The following CDKL3 variants were observed in gnomAD, a reference collection of about 807,000 sequenced individuals.
The protein encoded by CDKL3 is cyclin dependent kinase like 3.
A neutral mutation model predicts 69.3 loss-of-function variants in CDKL3; 65 were observed. The observed-to-expected ratio is 0.94, with a 90% CI of 0.77 to 1.15. The LOEUF is 1.15. CDKL3 is among the 50% of genes most tolerant of loss of function. CDKL3 has a pLI of 0.00. For synonymous variants in CDKL3, 202 were observed against 221.6 expected (o/e 0.91, Z 0.79); for missense variants, 652 against 689.2 (o/e 0.95, Z 0.61).
chr5:134,324,203 T>G (rs1174924094), intron 4 of CDKL3, among the ~76,000 whole-genome samples: 1 of 152,148 alleles, frequency 6.6e-6, no homozygotes, highest in Non-Finnish European at 1.5e-5. Flanking sequence ...CAAATGCAGG[T>G]GAGGATGGCA....
Position 134,366,408 on chromosome 5 carries a change from G to C in CDKL3, c.116C>G (p.Pro39Arg). ...IVAIKIFYER[P>R]EQSVNKIAMR... ...CGCAATTTTGTTGACAGATTGTTCTGGTCTCTCATAAAATATCTTAATGGC... is the reference window on the plus strand; with the variant it reads ...CGCAATTTTGTTGACAGATTGTTCTCGTCTCTCATAAAATATCTTAATGGC... Residue 39 changes from proline (P) to arginine (R), a missense_variant, in exon 2 of 13, where the codon CCA becomes CGA. By Grantham distance (103) the Pro-to-Arg change is moderately radical. Transcript: ENST00000265334. The C allele has an allele frequency of 3.1e-6, 5 of 1,598,698 alleles. No individual in the cohort carries two copies. Among genetic ancestry groups the C allele is most frequent in the Non-Finnish European group, 4.3e-6 (5 of 1,172,830 alleles).
At chr5:134,365,054 C>A (rs1282071401) in intron 2 of CDKL3, among the ~76,000 whole-genome samples, 1 of 151,384 alleles carries the variant, frequency 6.6e-6, no homozygotes, top group Non-Finnish European at 1.5e-5. Context: ...GCTGTCTTGG[C>A]TCACTGCAAG....
At chr5:134,340,666 A>G (rs1750261083) in intron 4 of CDKL3, among the ~76,000 whole-genome samples, 1 of 152,222 alleles carries the variant, frequency 6.6e-6, no homozygotes, top group African/African-American at 2.4e-5. Flanking sequence ...TCAATAAAAA[A>G]TAGACAATCT....
chr5:134,297,938 G>A (rs187356381), downstream of CDKL3, among the ~76,000 whole-genome samples: 128 of 139,648 alleles, frequency 9.2e-4, no homozygotes, highest in Non-Finnish European at 1.3e-3. Flanking sequence ...GTGTGTGTGT[G>A]TGTGTGTGTT....
chr5:134,329,185 T>C (rs1192597353), intron 4 of CDKL3, among the ~76,000 whole-genome samples: 3 of 151,954 alleles, frequency 2.0e-5, no homozygotes, highest in African/African-American at 7.2e-5. Flanking sequence ...TACAAAAAAA[T>C]AAATTAGGTG....
intron 7 of CDKL3, among the ~76,000 whole-genome samples, chr5:134,310,956 A>G (rs1189122187): frequency 6.6e-6 from 1 of 152,132 alleles, no homozygotes; most frequent in African/African-American, 2.4e-5. Flanking sequence ...CACATTTTTA[A>G]TGGATGTCCA....
chr5:134,306,544 G>C (rs545480997), intron 10 of CDKL3, 65 bp downstream of exon 10: 1 of 956,574 alleles, frequency 1.0e-6, no homozygotes, highest in East Asian at 2.5e-5. Context: ...CCTAAAGATA[G>C]AGAAAAGGAA....
chr5:134,365,484 C>A (rs567921533), intron 2 of CDKL3, among the ~76,000 whole-genome samples: 135 of 152,156 alleles, frequency 8.9e-4, no homozygotes, highest in African/African-American at 2.6e-3. Context: ...ATTCACATTG[C>A]TGCATTTTAG....
At position 134,308,609 on chromosome 5, in the gene CDKL3, T is replaced by A. The variant is rs1561518083; in HGVS notation, c.1000A>T (p.Thr334Ser). Residue 334 changes from threonine to serine, a missense_variant, in exon 8 of 13, where the codon ACC (threonine) becomes TCC (serine). Thr to Ser is a moderately conservative substitution (Grantham distance 58). Transcript: ENST00000265334. ...ACTGAACTACTTAGCAGTGTATTGG[T>A]ATAAACTGTTTTTCTTTCATCTTTC... ...LRKDERKTVY[T>S]NTLLSSSVLG... 1.2e-6 allele frequency: 2 copies of A among 1,605,598 alleles called. No homozygotes were observed. Among genetic ancestry groups the A allele is most frequent in the Non-Finnish European group, 1.7e-6 (2 of 1,177,790 alleles).
chr5:134,371,504 C>CGGCGAT (rs1554113400), upstream of CDKL3: 2 of 1,485,664 alleles, frequency 1.3e-6, no homozygotes, highest in Non-Finnish European at 9.0e-7. Flanking sequence ...GCGGCGGCGG[C>CGGCGAT]GATCCACAGT....
intron 4 of CDKL3, among the ~76,000 whole-genome samples, chr5:134,335,719 A>G (rs1776936694): frequency 6.6e-6 from 1 of 152,044 alleles, no homozygotes; most frequent in African/African-American, 2.4e-5. Context: ...TTCCCTTTGT[A>G]GGTAACCCAA....
intron 2 of CDKL3, among the ~76,000 whole-genome samples, chr5:134,361,257 GT>G (rs202216818): frequency 2.2e-4 from 31 of 140,180 alleles, no homozygotes; most frequent in Non-Finnish European, 2.0e-4. Flanking sequence ...GTTTTTTTTT[GT>G]TTTTTTTTTT....
chr5:134,336,016 G>A (rs548817401), intron 4 of CDKL3, among the ~76,000 whole-genome samples: 11 of 152,012 alleles, frequency 7.2e-5, no homozygotes, highest in South Asian at 2.1e-4. Flanking sequence ...GGCTTTGTTC[G>A]TTTCTTTTCA....
At chr5:134,303,417 A>G (rs1290563494) in intron 11 of CDKL3, among the ~76,000 whole-genome samples, 1 of 152,212 alleles carries the variant, frequency 6.6e-6, no homozygotes, top group Non-Finnish European at 1.5e-5. Flanking sequence ...CTCAAAATAC[A>G]TATAAAATTT....
intron 4 of CDKL3, among the ~76,000 whole-genome samples, chr5:134,333,605 T>C (rs944829206): frequency 6.6e-5 from 10 of 152,246 alleles, no homozygotes; most frequent in African/African-American, 9.6e-5. Context: ...GTTTATGTGA[T>C]GGATTACGTT....
At chr5:134,336,423 T>G (rs1777125270) in intron 4 of CDKL3, among the ~76,000 whole-genome samples, 1 of 152,232 alleles carries the variant, frequency 6.6e-6, no homozygotes, top group Non-Finnish European at 1.5e-5. Flanking sequence ...TTTGGAATTT[T>G]CAGCCTTTCT....
chr5:134,370,258 C>A (rs1488453937), upstream of CDKL3, among the ~76,000 whole-genome samples: 2 of 152,150 alleles, frequency 1.3e-5, no homozygotes, highest in Non-Finnish European at 2.9e-5. Flanking sequence ...TAACAAAGTC[C>A]TGAAGGTAGG....
chr5:134,333,961 G>A (rs1776427100), intron 4 of CDKL3, among the ~76,000 whole-genome samples: 1 of 152,082 alleles, frequency 6.6e-6, no homozygotes, highest in Non-Finnish European at 1.5e-5. Context: ...TGGTTGGTAG[G>A]CTATTAATTA....
At chr5:134,308,529 C>T (rs1561517602) in intron 8 of CDKL3, 45 bp downstream of exon 8, 2 of 1,553,720 alleles carry the variant, frequency 1.3e-6, no homozygotes, top group African/African-American at 1.4e-5. Context: ...TAGAGTCTAA[C>T]TATAATATAA....
Sources: allele counts gnomAD v4.1 joint callset (sites outside exome capture counted in the v4.1 genomes callset), GRCh38; gene constraint gnomAD v4.1.1; transcripts MANE v1.5; gene names NCBI Gene and HGNC (gene_info 2026-07-23, HGNC 2026-07-21).